Variants in LGSN observed in about 807,000 individuals in gnomAD.
The protein encoded by LGSN is lengsin.
In LGSN, 21 loss-of-function variants were observed where a neutral mutation model predicts 19.5. The observed-to-expected ratio is 1.07, with a 90% CI of 0.76 to 1.55. The LOEUF (loss-of-function observed/expected upper bound fraction) is 1.55. Among genes scored for constraint, LGSN ranks in the 40% most tolerant of loss-of-function variants. The pLI is 0.00. For missense variants in LGSN, 673 were observed against 608.5 expected (o/e 1.11, Z -1.12); for synonymous variants, 257 against 215.6 (o/e 1.19, Z -1.68).
chr6:63,516,461 T>C, the LGSN span, among the ~76,000 whole-genome samples: 1 of 152,220 alleles, frequency 6.6e-6, no homozygotes. Context: ...AAAGTAGTGC[T>C]TGAGAGCTCT....
the LGSN span, among the ~76,000 whole-genome samples, chr6:63,349,846 T>A: frequency 6.6e-6 from 1 of 152,162 alleles, no homozygotes; most frequent in Non-Finnish European, 1.5e-5. Flanking sequence ...GAAATCAAGG[T>A]GTTGGGTAGG....
chr6:63,410,862 G>A, the LGSN span, among the ~76,000 whole-genome samples: 3 of 152,118 alleles, frequency 2.0e-5, no homozygotes, highest in Non-Finnish European at 4.4e-5. Flanking sequence ...CTGGTAAATG[G>A]TTGCTGCCTC....
chr6:63,465,498 A>G, the LGSN span, among the ~76,000 whole-genome samples: 1 of 151,946 alleles, frequency 6.6e-6, no homozygotes, highest in East Asian at 1.9e-4. Context: ...TCTATTTCCA[A>G]CTCCACCTTC....
chr6:63,430,852 C>T, the LGSN span, among the ~76,000 whole-genome samples: 11 of 152,104 alleles, frequency 7.2e-5, no homozygotes, highest in African/African-American at 2.2e-4. Flanking sequence ...GACACATTGC[C>T]ATCCTGAACA....
chr6:63,440,212 C>T, the LGSN span, among the ~76,000 whole-genome samples: 1 of 152,136 alleles, frequency 6.6e-6, no homozygotes, highest in Non-Finnish European at 1.5e-5. Flanking sequence ...ACTGCTGGTC[C>T]CGGATGAAGG....
In LGSN at chr6:63,279,738, T is replaced by A; in HGVS notation, c.*283A>T. ...ATATTTATTGCCACCCAAAATTGGA[T>A]ATTCTTATCCAGGTCAACATACACA... On this transcript the variant is annotated 3_prime_UTR_variant, in exon 4 of 4. Transcript: ENST00000370657. 1 of 211,468 alleles carries A rather than the reference T, an allele frequency of 4.7e-6. No individual in the cohort carries two copies. The allele number at this position is 211,468 out of a possible 1,614,324, so 13.1% of individuals were successfully genotyped here. A position where few individuals can be genotyped will look rare whatever the true frequency, so the allele number is the denominator to read the frequency against.
the LGSN span, among the ~76,000 whole-genome samples, chr6:63,565,750 C>T: frequency 1.3e-5 from 2 of 152,094 alleles, no homozygotes; most frequent in African/African-American, 4.8e-5. Context: ...GTCTAAATTT[C>T]CCACAGAAAT....
chr6:63,441,125 C>G, the LGSN span: 2 of 185,850 alleles, frequency 1.1e-5, no homozygotes, highest in South Asian at 2.1e-4. Context: ...AGGAGAATCG[C>G]TCTAACCTGG....
chr6:63,463,873 G>A, the LGSN span, among the ~76,000 whole-genome samples: 575 of 152,212 alleles, frequency 3.8e-3, 4 homozygotes, highest in African/African-American at 0.013. Flanking sequence ...TTTTGCAGAC[G>A]AGAAAACTTT....
the LGSN span, among the ~76,000 whole-genome samples, chr6:63,495,469 T>TTTTTTTTTTTTTTTTTTTTTTTG: frequency 1.7e-3 from 199 of 119,286 alleles, 1 homozygote; most frequent in African/African-American, 4.9e-3. Context: ...TTTTTTTTTT[T>TTTTTTTTTTTTTTTTTTTTTTTG]TTTTTTTGAG....
chr6:63,365,617 T>C, the LGSN span, among the ~76,000 whole-genome samples: 2 of 149,924 alleles, frequency 1.3e-5, no homozygotes, highest in Non-Finnish European at 2.9e-5. Flanking sequence ...TACCAAAGTC[T>C]GGCAGAGACA....
the LGSN span, among the ~76,000 whole-genome samples, chr6:63,333,593 A>AG: frequency 8.6e-6 from 1 of 116,090 alleles, no homozygotes; most frequent in Admixed American, 1.0e-4. Context: ...GAAGGAAGGA[A>AG]GGGGGGAGGG....
intron 1 of LGSN, among the ~76,000 whole-genome samples, chr6:63,315,331 A>G (rs1409403759): frequency 1.3e-5 from 2 of 152,158 alleles, no homozygotes; most frequent in African/African-American, 4.8e-5. Context: ...CAGTCAAAAC[A>G]GCTTTCCTAG....
the LGSN span, among the ~76,000 whole-genome samples, chr6:63,531,284 T>C: frequency 6.6e-6 from 1 of 152,102 alleles, no homozygotes; most frequent in Non-Finnish European, 1.5e-5. Flanking sequence ...TAGTGGGGAA[T>C]AGATGGAATG....
At chr6:63,383,789 T>C in the LGSN span, among the ~76,000 whole-genome samples, 1 of 152,214 alleles carries the variant, frequency 6.6e-6, no homozygotes, top group Admixed American at 6.5e-5. Flanking sequence ...TAATTGACTT[T>C]ATCATTCCCA....
chr6:63,349,780 T>C, the LGSN span, among the ~76,000 whole-genome samples: 9 of 152,312 alleles, frequency 5.9e-5, no homozygotes, highest in African/African-American at 1.9e-4. Flanking sequence ...ACAGCTTCTG[T>C]AGATGAGATG....
chr6:63,304,997 A>T (rs1163686727), intron 1 of LGSN, among the ~76,000 whole-genome samples: 1 of 152,218 alleles, frequency 6.6e-6, no homozygotes, highest in East Asian at 1.9e-4. Context: ...GAATTGTTAA[A>T]CAAAATTATG....
chr6:63,407,023 T>A, the LGSN span, among the ~76,000 whole-genome samples: 1 of 152,102 alleles, frequency 6.6e-6, no homozygotes, highest in Admixed American at 6.5e-5. Context: ...GCTCTGTAAT[T>A]GAGGCAATAA....
chr6:63,556,086 TTTTCAAGTTCACA>T, the LGSN span, among the ~76,000 whole-genome samples: 1 of 152,138 alleles, frequency 6.6e-6, no homozygotes, highest in Admixed American at 6.5e-5. Flanking sequence ...ATTACTCCAG[TTTTCAAGTTCACA>T]TTTTGCAAAT....
Sources: allele counts gnomAD v4.1 joint callset (sites outside exome capture counted in the v4.1 genomes callset), GRCh38; gene constraint gnomAD v4.1.1; transcripts MANE v1.5; gene names NCBI Gene and HGNC (gene_info 2026-07-23, HGNC 2026-07-21).